The following RAB26 variants were observed in gnomAD, a reference collection of about 807,000 sequenced individuals.
RAB26 encodes RAB26, member RAS oncogene family, also known as ras-related protein Rab-26.
RAB26 carries 39 observed loss-of-function variants against 33.1 expected under a neutral mutation model. The ratio of observed to expected loss-of-function variants is 1.18; its 90% confidence interval spans 0.91 to 1.54. The LOEUF is 1.54. RAB26 is among the 40% of genes most tolerant of loss of function. RAB26 has a pLI of 0.00. For synonymous variants in RAB26, 192 were observed against 151.9 expected (o/e 1.26, Z -1.94); for missense variants, 468 against 362.9 (o/e 1.29, Z -2.35).
Position 2,149,950 on chromosome 16 carries a change from G to T in RAB26, c.205G>T (p.Val69Leu). Residue 69 changes from valine to leucine, a missense_variant, in exon 2 of 9, where the codon GTG (valine) becomes TTG (leucine). Coordinates refer to ENST00000210187, the MANE Select transcript of RAB26 (RefSeq NM_014353.5). ...CTCCTGCTTGTCCTAGGTCATGCTG[G>T]TGGGGGACTCGGGTGTGGGGAAGAC... is the stretch of plus-strand genomic sequence containing the variant. The part of the protein sequence containing the change: ...FYDVAFKVML[V>L]GDSGVGKTCL... 1 of 1,536,600 alleles carries T rather than the reference G, an allele frequency of 6.5e-7. No homozygotes were observed. The highest frequency in any genetic ancestry group is 8.8e-7 in the Non-Finnish European group (1 of 1,139,862).
chr16:2,149,303 CTTTT>C lies in RAB26; in HGVS notation c.195+344_195+347del, dbSNP rs756125935. ...CTCCCTCAACCCAGCGGCTGTGGGC[CTTTT>C]TTTTTTTTTTTTTTTTTTGCTGGGG... is the stretch of plus-strand genomic sequence containing the variant. On this transcript the variant is annotated intron_variant, in intron 1 of 8. Transcript: ENST00000210187. Among the ~76,000 whole-genome samples, 1,118 of 116,024 alleles carry C rather than the reference CTTTT, an allele frequency of 9.6e-3. 11 individuals are homozygous for C. Among genetic ancestry groups the C allele is most frequent in the African/African-American group, 0.038 (1,042 of 27,106 alleles). 76.1% of individuals were successfully genotyped at this position (116,024 alleles called of 152,430 possible). A position where few individuals can be genotyped will look rare whatever the true frequency, so the allele number is the denominator to read the frequency against.
In RAB26 at chr16:2,148,869, C is replaced by T; in HGVS notation, c.86C>T (p.Ala29Val). ...TLPTANGARP[A>V]RSGTALSGPD... The stretch of plus-strand genomic sequence containing the variant: ...CCCACCGCCAACGGGGCCCGACCGG[C>T]GCGCTCCGGGACTGCGCTTTCCGGC... Residue 29 changes from alanine to valine, a missense_variant, in exon 1 of 9, where the codon GCG becomes GTG. By Grantham distance (64) the Ala-to-Val change is moderately conservative. Coordinates refer to ENST00000210187, the MANE Select transcript of RAB26 (RefSeq NM_014353.5). 3 of 1,402,892 alleles carry T rather than the reference C, an allele frequency of 2.1e-6. No individual in the cohort carries two copies. Among genetic ancestry groups the T allele is most frequent in the South Asian group, 1.6e-5 (1 of 64,030 alleles). 86.9% of individuals were successfully genotyped at this position (1,402,892 alleles called of 1,614,324 possible).
chr16:2,152,330 A>T (rs973346154), intron 5 of RAB26, among the ~76,000 whole-genome samples: 40 of 152,210 alleles, frequency 2.6e-4, no homozygotes, highest in African/African-American at 9.2e-4. Context: ...GTGAGCCAAG[A>T]CTGTGCTACG....
rs997025071 is a variant in RAB26 at position 2,153,892 on chromosome 16, G to A, written c.*471G>A. ...TGTGTCCTGGGAGCTGCCTGCTCCC[G>A]GCCCACCCTCTAGGAGGCTCTGGCT... On this transcript the variant is annotated 3_prime_UTR_variant, in exon 9 of 9. Transcript: ENST00000210187. 10 of 456,086 alleles carry A rather than the reference G, an allele frequency of 2.2e-5. 1 individual carries two copies. The highest frequency in any genetic ancestry group is 7.8e-5 in the South Asian group (5 of 64,514). 28.3% of individuals were successfully genotyped at this position (456,086 alleles called of 1,614,324 possible). A position where few individuals can be genotyped will look rare whatever the true frequency, so the allele number is the denominator to read the frequency against.
In RAB26 at chr16:2,152,595, C is replaced by T. The variant is rs185821468; in HGVS notation, c.469-225C>T. Among the ~76,000 whole-genome samples, 1,003 of 151,250 alleles carry T rather than the reference C, an allele frequency of 6.6e-3. 6 individuals carry two copies. Among genetic ancestry groups the T allele is most frequent in the Non-Finnish European group, 1.0e-2 (677 of 67,854 alleles). ...CTGAACCCTCCCAAGGTTCTCTGAACCCCAGGAGAATAGCTTGAACCCAGG... is the reference window on the plus strand; with the variant it reads ...CTGAACCCTCCCAAGGTTCTCTGAATCCCAGGAGAATAGCTTGAACCCAGG... On this transcript the variant is annotated intron_variant, in intron 5 of 8. Transcript: ENST00000210187.
Sources: allele counts gnomAD v4.1 joint callset (sites outside exome capture counted in the v4.1 genomes callset), GRCh38; gene constraint gnomAD v4.1.1; transcripts MANE v1.5; gene names NCBI Gene and HGNC (gene_info 2026-07-23, HGNC 2026-07-21).